Variants in FLVCR1 observed in about 807,000 individuals in gnomAD.
The protein encoded by FLVCR1 is choline/ethanolamine transporter FLVCR1.
In FLVCR1, 34 loss-of-function variants were observed where a neutral mutation model predicts 53.6. The ratio of observed to expected loss-of-function variants is 0.63; its 90% CI spans 0.48 to 0.84. FLVCR1 has a LOEUF of 0.84. Ranked by LOEUF, FLVCR1 falls within the 40% of genes least tolerant of loss-of-function variation. The probability of loss-of-function intolerance (pLI) is 0.00; values close to 1 mark genes in which losing one functional copy is unlikely to be tolerated. For synonymous variants in FLVCR1, 300 were observed against 286.3 expected (o/e 1.05, Z -0.48); for missense variants, 677 against 696.7 (o/e 0.97, Z 0.32).
Position 212,896,854 on chromosome 1 carries a change from C to CAAAA in FLVCR1, c.*1564_*1565insAAAA, listed in dbSNP as rs1665347401. ...CCAACATGGTAAAACCCCATCTCTA[C>CAAAA]TAAAAAAAAAAAAAAAAAAAAAAAA... On this transcript the variant is annotated 3_prime_UTR_variant, in exon 10 of 10. Coordinates refer to ENST00000366971, the MANE Select transcript of FLVCR1 (RefSeq NM_014053.4). 2.8e-5 allele frequency: 1 copy of CAAAA among 36,034 alleles called. No individual in the cohort carries two copies. Among genetic ancestry groups the CAAAA allele is most frequent in the Admixed American group, 6.8e-4 (1 of 1,460 alleles). The allele number at this position is 36,034 out of a possible 1,614,324, so 2.2% of individuals were successfully genotyped here. A position where few individuals can be genotyped will look rare whatever the true frequency, so the allele number is the denominator to read the frequency against.
intron 8 of FLVCR1, among the ~76,000 whole-genome samples, chr1:212,890,846 A>G (rs1174820286): frequency 3.3e-5 from 5 of 152,200 alleles, no homozygotes; most frequent in Non-Finnish European, 7.3e-5. Flanking sequence ...GACATTTTGG[A>G]TATACACAAC....
At chr1:212,887,263 C>T (rs1353668330) in intron 5 of FLVCR1, among the ~76,000 whole-genome samples, 1 of 152,126 alleles carries the variant, frequency 6.6e-6, no homozygotes, top group African/African-American at 2.4e-5. Context: ...GTCTTTCATC[C>T]GTTATACATT....
In FLVCR1 at chr1:212,895,300, C is replaced by T. The variant is rs779692402; in HGVS notation, c.*10C>T. On this transcript the variant is annotated 3_prime_UTR_variant, in exon 10 of 10. Transcript: ENST00000366971. ...AGAATCAGCAATTTGAAGAGAAAGG[C>T]AAAGTTACTGTCCTGTAGTAATTGG... The T allele has an allele frequency of 1.9e-6, 3 of 1,599,256 alleles. No individual in the cohort carries two copies. In the Admixed American group the frequency reaches 5.0e-5, roughly 27 times the overall value.
intron 1 of FLVCR1, among the ~76,000 whole-genome samples, chr1:212,860,040 T>C (rs545123975): frequency 2.4e-4 from 37 of 152,158 alleles, no homozygotes; most frequent in Non-Finnish European, 4.3e-4. Flanking sequence ...CTCAGCACTT[T>C]GGGAGGCTGA....
At chr1:212,873,384 A>T (rs576861378) in intron 3 of FLVCR1, among the ~76,000 whole-genome samples, 2 of 152,248 alleles carry the variant, frequency 1.3e-5, no homozygotes, top group East Asian at 3.9e-4. Context: ...GTGAGTTCTC[A>T]TGGAGTATTT....
rs567270153 is a variant in FLVCR1 at position 212,860,350 on chromosome 1, GT to G, written c.738+1178del. On this transcript the variant is annotated intron_variant, in intron 1 of 9. Coordinates refer to ENST00000366971, the MANE Select transcript of FLVCR1 (RefSeq NM_014053.4). ...TATTATAAAGTTTTTTGTGTGTGTG[GT>G]TTTTTTTTTTTTTTTTTGTAGAAAT... Among the ~76,000 whole-genome samples the G allele has an allele frequency of 1.1e-3, 98 of 85,852 alleles. 6 individuals are homozygous for G. The highest frequency in any genetic ancestry group is 1.3e-3 in the Non-Finnish European group (52 of 41,282). The allele number at this position is 85,852 out of a possible 152,430, so 56.3% of individuals were successfully genotyped here.
chr1:212,868,016 G>A (rs954394526), intron 2 of FLVCR1, among the ~76,000 whole-genome samples: 1 of 152,058 alleles, frequency 6.6e-6, no homozygotes, highest in African/African-American at 2.4e-5. Flanking sequence ...TGTTAGCCAG[G>A]ATGGTCTCGA....
intron 2 of FLVCR1, among the ~76,000 whole-genome samples, chr1:212,867,433 A>G (rs932914411): frequency 1.1e-4 from 17 of 152,216 alleles, no homozygotes; most frequent in Non-Finnish European, 2.1e-4. Flanking sequence ...TTTATAGACA[A>G]GGAAACTGAG....
chr1:212,869,729 T>G (rs887864474), intron 2 of FLVCR1, among the ~76,000 whole-genome samples: 6 of 152,182 alleles, frequency 3.9e-5, no homozygotes, highest in African/African-American at 1.2e-4. Flanking sequence ...AGAGACAAGT[T>G]TTTGCCATGT....
rs1201176350 is a variant in FLVCR1 at position 212,897,082 on chromosome 1, T to C, written c.*1792T>C. Reference sequence around the variant, plus strand: ...TACTCAGGAGGCTGAGGCAGGAGAATCGCTTGAATGCGAATGGCAGAGGTT... The same window carrying C: ...TACTCAGGAGGCTGAGGCAGGAGAACCGCTTGAATGCGAATGGCAGAGGTT... On this transcript the variant is annotated 3_prime_UTR_variant, in exon 10 of 10. Transcript: ENST00000366971. 6.6e-6 allele frequency: 1 copy of C among 150,914 alleles called. No homozygotes were observed. Among genetic ancestry groups the C allele is most frequent in the African/African-American group, 2.4e-5 (1 of 41,040 alleles). 9.3% of individuals were successfully genotyped at this position (150,914 alleles called of 1,614,324 possible).
intron 4 of FLVCR1, 36 bp from the exon 5 acceptor site, chr1:212,885,257 T>A: frequency 2.2e-6 from 3 of 1,380,556 alleles, no homozygotes; most frequent in Non-Finnish European, 3.1e-6. Context: ...AGTTAATCCA[T>A]TTATTTGATC....
intron 8 of FLVCR1, 23 bp downstream of exon 8, chr1:212,889,280 C>A: frequency 1.4e-6 from 2 of 1,406,928 alleles, no homozygotes; most frequent in Non-Finnish European, 2.0e-6. Context: ...GTTTGCCTGG[C>A]AAAAGGACTT....
chr1:212,873,041 T>C (rs563951363), intron 3 of FLVCR1, among the ~76,000 whole-genome samples: 2 of 152,308 alleles, frequency 1.3e-5, no homozygotes, highest in Admixed American at 6.5e-5. Context: ...GCATGATGGC[T>C]CATGCTGGTA....
At chr1:212,865,907 C>CCACA (rs1558109194) in intron 2 of FLVCR1, among the ~76,000 whole-genome samples, 60 of 73,680 alleles carry the variant, frequency 8.1e-4, no homozygotes, top group Middle Eastern at 6.9e-3. Flanking sequence ...TCTCTGCCTC[C>CCACA]TGGGTTCAAG....
Position 212,858,827 on chromosome 1 carries a change from G to C in FLVCR1, c.375G>C (p.Trp125Cys). The C allele has an allele frequency of 6.2e-7, 1 of 1,614,246 alleles. No homozygotes were observed. Among genetic ancestry groups the C allele is most frequent in the South Asian group, 1.1e-5 (1 of 91,086 alleles). Residue 125 changes from tryptophan to cysteine, a missense_variant, in exon 1 of 10, where the codon TGG becomes TGC. Physicochemically the swap from Trp to Cys is radical, Grantham distance 215. Transcript: ENST00000366971. ...SLYSLVNAFQ[W>C]IQYSIISNVF... The stretch of plus-strand genomic sequence containing the variant: ...ACTCGCTGGTCAACGCCTTTCAGTG[G>C]ATCCAGTACAGCATCATTAGCAACG...
Position 212,895,356 on chromosome 1 carries a change from T to TG in FLVCR1, c.*67dup. 8.1e-7 allele frequency: 1 copy of TG among 1,233,198 alleles called. No individual in the cohort carries two copies. The highest frequency in any genetic ancestry group is 1.2e-6 in the Non-Finnish European group (1 of 832,634). The allele number at this position is 1,233,198 out of a possible 1,614,324, so 76.4% of individuals were successfully genotyped here. ...ATGTGATCATCCTTGGAGAGAGATG[T>TG]GAGCACCAAGGCTGGGTTTGTATGT... is the stretch of plus-strand genomic sequence containing the variant. On this transcript the variant is annotated 3_prime_UTR_variant, in exon 10 of 10. Transcript: ENST00000366971.
At chr1:212,871,244 A>G (rs1415044395) in intron 2 of FLVCR1, among the ~76,000 whole-genome samples, 3 of 152,192 alleles carry the variant, frequency 2.0e-5, no homozygotes, top group African/African-American at 7.2e-5. Context: ...GACTGCAAGT[A>G]TTAGAGTATC....
intron 8 of FLVCR1, among the ~76,000 whole-genome samples, chr1:212,894,172 T>G (rs1665273942): frequency 6.6e-6 from 1 of 151,804 alleles, no homozygotes; most frequent in Non-Finnish European, 1.5e-5. Flanking sequence ...AGTATAAACA[T>G]AACTTTTTAT....
At position 212,858,890 on chromosome 1, in the gene FLVCR1, C is replaced by A; in HGVS notation, c.438C>A (p.Ile146=). The A allele has an allele frequency of 1.2e-6, 2 of 1,614,254 alleles. No individual in the cohort carries two copies. The highest frequency in any genetic ancestry group is 1.7e-6 in the Non-Finnish European group (2 of 1,180,044). ...TCTACGGTGTCACCTTGCTGCACATCGACTGGCTGTCCATGGTGTACATGC... is the reference window on the plus strand; with the variant it reads ...TCTACGGTGTCACCTTGCTGCACATAGACTGGCTGTCCATGGTGTACATGC... ...EGFYGVTLLH[I]DWLSMVYMLA... is the part of the protein sequence containing the mutation. Residue 146 remains isoleucine (I), a synonymous_variant, in exon 1 of 10, where the codon ATC becomes ATA. Coordinates refer to ENST00000366971, the MANE Select transcript of FLVCR1 (RefSeq NM_014053.4).
Sources: gnomAD v4.1 joint callset for allele counts (sites outside exome capture counted in the v4.1 genomes callset) on GRCh38, gnomAD v4.1.1 for gene constraint, MANE v1.5 for transcripts, NCBI Gene and HGNC (gene_info 2026-07-23, HGNC 2026-07-21) for gene names.